Variants in PCDH15 observed in about 807,000 individuals in gnomAD.
PCDH15 encodes protocadherin-15.
In PCDH15, 129 loss-of-function variants were observed where a neutral mutation model predicts 178.5. The observed-to-expected ratio is 0.72, with a 90% CI of 0.63 to 0.84. The LOEUF (loss-of-function observed/expected upper bound fraction) is 0.84, where lower values mean the gene tolerates loss of function less well. Among genes scored for constraint, PCDH15 ranks in the 40% least tolerant of loss-of-function variants. The pLI is 0.00. For synonymous variants in PCDH15, 800 were observed against 732.0 expected (o/e 1.09, Z -1.50); for missense variants, 2,230 against 2,099.9 (o/e 1.06, Z -1.21).
At chr10:55,532,352 C>A (rs555851813) in intron 2 of PCDH15, among the ~76,000 whole-genome samples, 3 of 152,116 alleles carry the variant, frequency 2.0e-5, no homozygotes, top group South Asian at 2.1e-4. Context: ...GTTTCACAAT[C>A]TTTTCTGCTT....
chr10:54,467,601 G>GTTTTTTTTTTTTTTTTTTTTTTTTTGTT (rs2077610747), intron 3 of PCDH15, among the ~76,000 whole-genome samples: 1 of 45,670 alleles, frequency 2.2e-5, no homozygotes, highest in Non-Finnish European at 3.9e-5. Flanking sequence ...TCAAGCTGTA[G>GTTTTTTTTTTTTTTTTTTTTTTTTTGTT]TTTTTTTTTT....
At chr10:55,200,771 T>C (rs1208786469) in intron 1 of PCDH15, among the ~76,000 whole-genome samples, 1 of 152,010 alleles carries the variant, frequency 6.6e-6, no homozygotes, top group African/African-American at 2.4e-5. Context: ...TGAGTTCTCA[T>C]GAGATTTGGT....
At chr10:55,105,532 G>C (rs574918159) in intron 2 of PCDH15, among the ~76,000 whole-genome samples, 1 of 152,198 alleles carries the variant, frequency 6.6e-6, no homozygotes. Context: ...ACTTTTTTAA[G>C]CCCGATATTT....
intron 1 of PCDH15, among the ~76,000 whole-genome samples, chr10:55,239,884 T>A (rs1195746828): frequency 6.6e-6 from 1 of 152,112 alleles, no homozygotes; most frequent in Non-Finnish European, 1.5e-5. Context: ...AATATCTGAA[T>A]AGACATTTCT....
intron 2 of PCDH15, among the ~76,000 whole-genome samples, chr10:55,626,106 G>C (rs1837521644): frequency 1.3e-5 from 2 of 151,970 alleles, no homozygotes; most frequent in South Asian, 4.1e-4. Context: ...TTTAAGTTCA[G>C]ACTGGAAGCT....
chr10:54,783,652 G>A (rs2133440905), intron 1 of PCDH15, among the ~76,000 whole-genome samples: 1 of 152,210 alleles, frequency 6.6e-6, no homozygotes, highest in African/African-American at 2.4e-5. Context: ...AGATTTCCTA[G>A]TAGATTCAAC....
chr10:55,396,713 C>T (rs1307284773), intron 2 of PCDH15, among the ~76,000 whole-genome samples: 1 of 152,302 alleles, frequency 6.6e-6, no homozygotes, highest in South Asian at 2.1e-4. Context: ...ACATGGTCAG[C>T]TTTGCACCCA....
intron 15 of PCDH15, among the ~76,000 whole-genome samples, chr10:54,103,868 C>T (rs1198214390): frequency 2.0e-5 from 3 of 152,134 alleles, no homozygotes; most frequent in East Asian, 1.9e-4. Context: ...TATCCCATAC[C>T]CATAATATCC....
intron 1 of PCDH15, among the ~76,000 whole-genome samples, chr10:55,188,280 G>A (rs896166480): frequency 5.3e-5 from 8 of 151,530 alleles, no homozygotes; most frequent in South Asian, 2.1e-4. Flanking sequence ...ATTTTCTCAC[G>A]CTTTCTATTT....
At chr10:55,237,612 A>T (rs2132207067) in intron 1 of PCDH15, among the ~76,000 whole-genome samples, 1 of 152,272 alleles carries the variant, frequency 6.6e-6, no homozygotes, top group Admixed American at 6.5e-5. Flanking sequence ...GATGCTGTAT[A>T]ATTCTCTATA....
At position 55,068,460 on chromosome 10, in the gene PCDH15, T is replaced by G. The variant is rs116463248; in HGVS notation, c.-80+98116A>C. Reference sequence around the variant, plus strand: ...TATCTATTCTCATTTATGCATACATTTTTATATAAATGCCATGCTCTTTTG... The same window carrying G: ...TATCTATTCTCATTTATGCATACATGTTTATATAAATGCCATGCTCTTTTG... On this transcript the variant is annotated intron_variant, in intron 2 of 5. Coordinates refer to the PCDH15 transcript ENST00000458638. Among the ~76,000 whole-genome samples, 1,037 of 152,182 alleles carry G rather than the reference T, an allele frequency of 6.8e-3. 11 individuals carry two copies. Among genetic ancestry groups the G allele is most frequent in the African/African-American group, 0.024 (990 of 41,536 alleles).
intron 2 of PCDH15, among the ~76,000 whole-genome samples, chr10:54,624,363 AACT>A (rs1275481054): frequency 4.6e-5 from 7 of 152,318 alleles, no homozygotes; most frequent in African/African-American, 1.4e-4. Context: ...CAAAATATAA[AACT>A]ACTGATTGCC....
At chr10:54,569,424 C>T (rs2089490749) in intron 2 of PCDH15, among the ~76,000 whole-genome samples, 2 of 152,136 alleles carry the variant, frequency 1.3e-5, no homozygotes, top group African/African-American at 4.8e-5. Context: ...CTAGAATCAA[C>T]ATGTCTTAGA....
At chr10:54,414,036 AAT>A (rs1179105673) in intron 3 of PCDH15, among the ~76,000 whole-genome samples, 1 of 152,170 alleles carries the variant, frequency 6.6e-6, no homozygotes, top group South Asian at 2.1e-4. Context: ...ACTACTACAC[AAT>A]ATATACATAT....
Position 54,562,301 on chromosome 10 carries a change from A to C in PCDH15, c.92-34424T>G, listed in dbSNP as rs565449869. 2.0e-5 allele frequency among the ~76,000 whole-genome samples: 3 copies of C among 152,216 alleles called. No individual in the cohort carries two copies. The South Asian group carries it at 6.2e-4, about 32-fold the overall frequency. Reference sequence around the variant, plus strand: ...CCACTGTGCCTGGCCTATCAATGGTAATACCTTATTGTAGTATGTAAGGAT... The same window carrying C: ...CCACTGTGCCTGGCCTATCAATGGTCATACCTTATTGTAGTATGTAAGGAT... On this transcript the variant is annotated intron_variant, in intron 2 of 37. Coordinates refer to ENST00000644397, the MANE Select transcript of PCDH15 (RefSeq NM_001384140.1).
chr10:54,689,128 T>C (rs1026046315), intron 1 of PCDH15, among the ~76,000 whole-genome samples: 1 of 152,062 alleles, frequency 6.6e-6, no homozygotes, highest in African/African-American at 2.4e-5. Flanking sequence ...TACAACTCTT[T>C]AGCCACAACT....
chr10:55,325,423 T>A (rs531227522), intron 2 of PCDH15, among the ~76,000 whole-genome samples: 2 of 152,036 alleles, frequency 1.3e-5, no homozygotes, highest in South Asian at 2.1e-4. Flanking sequence ...TGAACCCCCA[T>A]GATCATCAGA....
chr10:54,165,961 T>G (rs1429883318), intron 13 of PCDH15, among the ~76,000 whole-genome samples: 2 of 132,344 alleles, frequency 1.5e-5, no homozygotes, highest in Non-Finnish European at 3.0e-5. Flanking sequence ...TACAGAAACA[T>G]AAAAATACTT....
chr10:54,627,954 T>G (rs1206030724), intron 2 of PCDH15, among the ~76,000 whole-genome samples: 1 of 152,200 alleles, frequency 6.6e-6, no homozygotes, highest in Non-Finnish European at 1.5e-5. Flanking sequence ...AACTAATATC[T>G]CTAGGCTACT....
Sources: allele counts gnomAD v4.1 joint callset (sites outside exome capture counted in the v4.1 genomes callset), GRCh38; gene constraint gnomAD v4.1.1; transcripts MANE v1.5; gene names NCBI Gene and HGNC (gene_info 2026-07-23, HGNC 2026-07-21).